Variants in LMOD1 observed in about 807,000 individuals in gnomAD.
LMOD1 encodes leiomodin 1, also known as leiomodin-1.
LMOD1 carries 8 observed loss-of-function variants against 36.5 expected under a neutral mutation model. That is an observed-to-expected ratio of 0.22 (90% confidence interval 0.13 to 0.40). The LOEUF (loss-of-function observed/expected upper bound fraction) is 0.40. LMOD1 is among the 10% of genes least tolerant of loss of function. LMOD1 has a pLI of 1.00. For missense variants in LMOD1, 630 were observed against 751.1 expected (o/e 0.84, Z 1.88); for synonymous variants, 284 against 288.7 (o/e 0.98, Z 0.17).
intron 1 of LMOD1, among the ~76,000 whole-genome samples, chr1:201,937,747 C>G (rs1243317827): frequency 6.6e-6 from 1 of 152,168 alleles, no homozygotes; most frequent in African/African-American, 2.4e-5. Flanking sequence ...TCCTGGGGAA[C>G]AGAGTGAGAT....
At chr1:201,923,908 GGAGAGAGAGAGA>G (rs557889560) in intron 1 of LMOD1, among the ~76,000 whole-genome samples, 1 of 124,266 alleles carries the variant, frequency 8.0e-6, no homozygotes, top group Non-Finnish European at 1.7e-5. Context: ...AGAGAGGGAG[GGAGAGAGAGAGA>G]GAGAGAGAGA....
chr1:201,938,289 C>T (rs549961243), intron 1 of LMOD1, among the ~76,000 whole-genome samples: 8 of 152,194 alleles, frequency 5.3e-5, no homozygotes, highest in African/African-American at 1.9e-4. Context: ...GCCACCACGC[C>T]CGGCTAATTT....
At position 201,921,270 on chromosome 1, in the gene LMOD1, A is replaced by G. The variant is rs536634337; in HGVS notation, c.262-20519T>C. Among the ~76,000 whole-genome samples the G allele has an allele frequency of 4.9e-4, 75 of 152,066 alleles. 1 individual carries two copies. The highest frequency in any genetic ancestry group is 1.4e-3 in the Admixed American group (21 of 15,262). On this transcript the variant is annotated intron_variant, in intron 1 of 2. Transcript: ENST00000367288. ...TTTGGGAGGCTGAGGCGGGCAGATC[A>G]CGAGGTCAGGAGTTCGAGGCTAGCC...
intron 1 of LMOD1, among the ~76,000 whole-genome samples, chr1:201,902,082 C>A (rs1681341364): frequency 6.6e-6 from 1 of 151,602 alleles, no homozygotes; most frequent in African/African-American, 2.4e-5. Flanking sequence ...CAGGTGTGAG[C>A]TGCCATGCCC....
rs761413849 is a variant in LMOD1 at position 201,900,632 on chromosome 1, C to A, written c.381G>T (p.Arg127Ser). The change falls in exon 2 of 3, where the codon AGG (arginine) becomes AGT (serine). Residue 127 changes from arginine to serine, a missense_variant. Transcript: ENST00000367288. ...RDSDLGKEPK[R>S]GGLKKSFSRD... ...TAGAGAAGCTTTTCTTTAAACCACC[C>A]CTCTTTGGCTCCTTCCCCAGATCTG... is the stretch of plus-strand genomic sequence containing the variant. 1.2e-6 allele frequency: 2 copies of A among 1,613,914 alleles called. No homozygotes were observed. Among genetic ancestry groups the A allele is most frequent in the Admixed American group, 3.3e-5 (2 of 60,010 alleles).
intron 1 of LMOD1, among the ~76,000 whole-genome samples, chr1:201,921,490 A>C (rs1681703247): frequency 1.3e-4 from 1 of 7,454 alleles, no homozygotes; most frequent in African/African-American, 4.0e-4. Context: ...TCCATCTCAA[A>C]AAAAAAAAAA....
chr1:201,927,731 C>A (rs2102924562), intron 1 of LMOD1, among the ~76,000 whole-genome samples: 1 of 152,264 alleles, frequency 6.6e-6, no homozygotes, highest in East Asian at 1.9e-4. Flanking sequence ...TCAGTGTAAG[C>A]AAAATGGCGC....
chr1:201,925,207 C>T (rs1487873864), intron 1 of LMOD1, among the ~76,000 whole-genome samples: 1 of 149,626 alleles, frequency 6.7e-6, no homozygotes, highest in Non-Finnish European at 1.5e-5. Context: ...AGCAAAACTC[C>T]AGCTCAAAAA....
chr1:201,927,992 G>A (rs1330497985), intron 1 of LMOD1, among the ~76,000 whole-genome samples: 1 of 152,146 alleles, frequency 6.6e-6, no homozygotes, highest in African/African-American at 2.4e-5. Flanking sequence ...TCTCATGAAT[G>A]GATTAATGCC....
In LMOD1 at chr1:201,941,043, G is replaced by A. The variant is rs564516816; in HGVS notation, c.261+5037C>T. ...ATTACAGGTGTGAGCCACCGTGCCT[G>A]GCCATTTTTTTTTTTGTATTATTAG... is the stretch of plus-strand genomic sequence containing the variant. On this transcript the variant is annotated intron_variant, in intron 1 of 2. Coordinates refer to ENST00000367288, the MANE Select transcript of LMOD1 (RefSeq NM_012134.3). Among the ~76,000 whole-genome samples, 349 of 151,110 alleles carry A rather than the reference G, an allele frequency of 2.3e-3. 1 individual carries two copies. The highest frequency in any genetic ancestry group is 8.3e-3 in the African/African-American group (338 of 40,750).
Position 201,946,365 on chromosome 1 carries a change from C to G in LMOD1, c.-25G>C, listed in dbSNP as rs1341581715. ...TCTTGGCAAAATGGGCTGTGGCTGC[C>G]AGGGGCTATCAGAGTCCTGGTGGGC... On this transcript the variant is annotated 5_prime_UTR_variant, in exon 1 of 3. Transcript: ENST00000367288. The G allele has an allele frequency of 2.5e-6, 4 of 1,607,606 alleles. No individual in the cohort carries two copies. The African/African-American group carries it at 5.3e-5, about 21-fold the overall frequency.
At position 201,899,043 on chromosome 1, in the gene LMOD1, G is replaced by C. The variant is rs1268660130; in HGVS notation, c.1776+194C>G. 4 of 534,926 alleles carry C rather than the reference G, an allele frequency of 7.5e-6. No individual in the cohort carries two copies. The highest frequency in any genetic ancestry group is 1.3e-5 in the Non-Finnish European group (4 of 304,788). 33.1% of individuals were successfully genotyped at this position (534,926 alleles called of 1,614,324 possible). A position where few individuals can be genotyped will look rare whatever the true frequency, so the allele number is the denominator to read the frequency against. ...AAGGAAGGGTAGAGTCTCAGCTCTA[G>C]GGGATATACAGGTGTGACCTGCCTG... On this transcript the variant is annotated intron_variant, in intron 2 of 2. Coordinates refer to ENST00000367288, the MANE Select transcript of LMOD1 (RefSeq NM_012134.3). This position sits in a 1 kb window ranked among gnomAD's most constrained non-coding sequence, Gnocchi z 6.3.
At chr1:201,914,466 A>C (rs982997043) in intron 1 of LMOD1, among the ~76,000 whole-genome samples, 3 of 152,124 alleles carry the variant, frequency 2.0e-5, no homozygotes, top group Admixed American at 6.5e-5. Flanking sequence ...TGGATAACAC[A>C]TCCACTTCCT....
chr1:201,904,605 C>G (rs931347705), intron 1 of LMOD1, among the ~76,000 whole-genome samples: 1 of 152,218 alleles, frequency 6.6e-6, no homozygotes, highest in Non-Finnish European at 1.5e-5. Context: ...TAGTTACCTC[C>G]CCTACCCTGG....
At chr1:201,906,475 C>G (rs530179011) in intron 1 of LMOD1, among the ~76,000 whole-genome samples, 1 of 152,254 alleles carries the variant, frequency 6.6e-6, no homozygotes, top group South Asian at 2.1e-4. Context: ...TGATACCAGG[C>G]ACTGCAGCTG....
Position 201,900,214 on chromosome 1 carries a change from C to G in LMOD1, c.799G>C (p.Asp267His), listed in dbSNP as rs547386916. 2 of 1,613,900 alleles carry G rather than the reference C, an allele frequency of 1.2e-6. No individual in the cohort carries two copies. Among genetic ancestry groups the G allele is most frequent in the South Asian group, 2.2e-5 (2 of 91,058 alleles). The change falls in exon 2 of 3, where the codon GAC becomes CAC. Residue 267 changes from aspartate (D) to histidine (H), a missense_variant. Transcript: ENST00000367288. ...TCATTCTTCTTGACTTTTTCATCGT[C>G]CTTTTTGGTGTCTGTGTTCCCAGTT... ...RGTGNTDTKK[D>H]DEKVKKNEPL...
intron 1 of LMOD1, among the ~76,000 whole-genome samples, chr1:201,927,145 C>T (rs558965166): frequency 2.0e-5 from 3 of 152,278 alleles, no homozygotes; most frequent in South Asian, 4.1e-4. Context: ...GTATCACCCC[C>T]TTCTCCTGCT....
Position 201,900,432 on chromosome 1 carries a change from C to A in LMOD1, c.581G>T (p.Ser194Ile), listed in dbSNP as rs1681280639. ...ATKKEEEKKG[S>I]DRNTGLSRDK... ...CCTGCTCAAGCCTGTGTTCCTGTCA[C>A]TCCCTTTCTTCTCCTCTTCCTTCTT... Residue 194 changes from serine to isoleucine, a missense_variant, in exon 2 of 3, where the codon AGT becomes ATT. Physicochemically the swap from Ser to Ile is moderately radical, Grantham distance 142. This residue lies in a region of LMOD1 where 405 missense variants were observed against 400.6 expected (regional missense o/e 1.01). Coordinates refer to ENST00000367288, the MANE Select transcript of LMOD1 (RefSeq NM_012134.3). 1 of 1,588,296 alleles carries A rather than the reference C, an allele frequency of 6.3e-7. No homozygotes were observed. Among genetic ancestry groups the A allele is most frequent in the Admixed American group, 1.8e-5 (1 of 55,326 alleles).
chr1:201,945,721 C>G (rs1682200923), intron 1 of LMOD1, among the ~76,000 whole-genome samples: 1 of 152,128 alleles, frequency 6.6e-6, no homozygotes, highest in African/African-American at 2.4e-5. Context: ...TCTTTTTACC[C>G]CTCCTCACAA....
Sources: allele counts gnomAD v4.1 joint callset (sites outside exome capture counted in the v4.1 genomes callset), GRCh38; gene constraint gnomAD v4.1.1; regional missense constraint gnomAD v4.1.1; non-coding constraint Gnocchi (gnomAD v3.1); transcripts MANE v1.5; gene names NCBI Gene and HGNC (gene_info 2026-07-23, HGNC 2026-07-21).